Variants in RABGAP1L observed in about 807,000 individuals in gnomAD.
RABGAP1L encodes RAB GTPase activating protein 1 like, also known as rab GTPase-activating protein 1-like.
In RABGAP1L, 63 loss-of-function variants were observed where a neutral mutation model predicts 137.7. That is an observed-to-expected ratio of 0.46 (90% CI 0.37 to 0.56). The LOEUF (loss-of-function observed/expected upper bound fraction) is 0.56. Ranked by LOEUF, RABGAP1L falls within the 20% of genes least tolerant of loss-of-function variation. The pLI, the probability that RABGAP1L is intolerant of heterozygous loss-of-function variation, is 0.00. For missense variants in RABGAP1L, 1,095 were observed against 1,244.0 expected (o/e 0.88, Z 1.80); for synonymous variants, 431 against 433.7 (o/e 0.99, Z 0.08).
chr1:174,870,278 T>G (rs1347777740), intron 19 of RABGAP1L, among the ~76,000 whole-genome samples: 1 of 152,248 alleles, frequency 6.6e-6, no homozygotes, highest in Non-Finnish European at 1.5e-5. Context: ...TGTAAAAAAT[T>G]ATTTCACTTT....
chr1:174,523,565 G>A (rs1447674892), intron 13 of RABGAP1L, among the ~76,000 whole-genome samples: 1 of 152,162 alleles, frequency 6.6e-6, no homozygotes, highest in Non-Finnish European at 1.5e-5. Flanking sequence ...TGCATAAAAT[G>A]TGTAATGATC....
At chr1:174,530,811 A>ATACC (rs1664327349) in intron 13 of RABGAP1L, among the ~76,000 whole-genome samples, 1 of 132,296 alleles carries the variant, frequency 7.6e-6, no homozygotes. Context: ...ACATACATAC[A>ATACC]TACATACATA....
chr1:174,950,500 C>G (rs1486419566), intron 19 of RABGAP1L, among the ~76,000 whole-genome samples: 2 of 152,122 alleles, frequency 1.3e-5, no homozygotes, highest in Admixed American at 6.6e-5. Context: ...CTCCTGATTC[C>G]TTTTCATCTG....
chr1:174,603,406 G>A (rs995055335), intron 13 of RABGAP1L, among the ~76,000 whole-genome samples: 1 of 152,108 alleles, frequency 6.6e-6, no homozygotes, highest in Non-Finnish European at 1.5e-5. Flanking sequence ...AGTCAGACCC[G>A]AATCCAGCAC....
intron 1 of RABGAP1L, among the ~76,000 whole-genome samples, chr1:174,186,709 A>G (rs1474679703): frequency 2.6e-5 from 4 of 152,250 alleles, no homozygotes; most frequent in African/African-American, 4.8e-5. Context: ...GATCAGATCT[A>G]GTAAATGATG....
At chr1:174,489,572 T>G (rs200052476) in intron 13 of RABGAP1L, among the ~76,000 whole-genome samples, 1 of 127,546 alleles carries the variant, frequency 7.8e-6, no homozygotes, top group Non-Finnish European at 1.9e-5. Context: ...CACTTTTATA[T>G]GGTTGGTGGG....
At chr1:174,820,252 A>G (rs573744873) in intron 19 of RABGAP1L, among the ~76,000 whole-genome samples, 1 of 152,216 alleles carries the variant, frequency 6.6e-6, no homozygotes, top group African/African-American at 2.4e-5. Context: ...AAGGAAGGAC[A>G]TGGGGCCAGG....
At chr1:174,537,264 A>G (rs895851312) in intron 13 of RABGAP1L, among the ~76,000 whole-genome samples, 1 of 152,182 alleles carries the variant, frequency 6.6e-6, no homozygotes, top group South Asian at 2.1e-4. Flanking sequence ...GGTTGAACCA[A>G]ATGCAAAGTA....
At chr1:174,633,631 C>G (rs1572614182) in intron 13 of RABGAP1L, among the ~76,000 whole-genome samples, 1 of 116,138 alleles carries the variant, frequency 8.6e-6, no homozygotes, top group South Asian at 2.5e-4. Flanking sequence ...TGACTTCAAA[C>G]TATACTACAA....
intron 6 of RABGAP1L, among the ~76,000 whole-genome samples, chr1:174,251,219 T>C (rs1485624470): frequency 6.6e-6 from 1 of 152,196 alleles, no homozygotes; most frequent in Non-Finnish European, 1.5e-5. Context: ...ACATTTGGTC[T>C]CTTCCCTTTG....
At chr1:174,871,322 C>T (rs780023297) in intron 19 of RABGAP1L, among the ~76,000 whole-genome samples, 22 of 151,430 alleles carry the variant, frequency 1.5e-4, no homozygotes, top group Non-Finnish European at 2.7e-4. Flanking sequence ...TTAGTAGGGA[C>T]GGGGTTTCAC....
At chr1:174,275,748 T>C (rs1571879362) in intron 8 of RABGAP1L, 85 bp from the exon 9 acceptor site, 1 of 953,844 alleles carries the variant, frequency 1.0e-6, no homozygotes, top group East Asian at 2.6e-5. Context: ...ATTTTAATAA[T>C]TTGTATTGCT....
chr1:174,936,971 ATTTT>A (rs909397955), intron 19 of RABGAP1L, among the ~76,000 whole-genome samples: 4 of 101,522 alleles, frequency 3.9e-5, no homozygotes, highest in African/African-American at 1.3e-4. Flanking sequence ...TATAAGATTA[ATTTT>A]TTTTTTTTTT....
intron 3 of RABGAP1L, among the ~76,000 whole-genome samples, chr1:174,224,040 T>A (rs1331823301): frequency 6.6e-6 from 1 of 152,194 alleles, no homozygotes; most frequent in East Asian, 1.9e-4. Flanking sequence ...TAGTTGTACA[T>A]AAAAATTATT....
chr1:174,374,111 T>C (rs766044059), intron 12 of RABGAP1L, among the ~76,000 whole-genome samples: 11 of 152,184 alleles, frequency 7.2e-5, no homozygotes, highest in Non-Finnish European at 1.3e-4. Flanking sequence ...CATGTGGATG[T>C]GATTGATAGT....
intron 13 of RABGAP1L, among the ~76,000 whole-genome samples, chr1:174,550,842 A>G (rs371607448): frequency 3.9e-5 from 5 of 127,066 alleles, no homozygotes; most frequent in African/African-American, 1.5e-4. Context: ...ACACGGTGAA[A>G]CCCCGTCTCT....
chr1:174,974,279 C>T (rs771981641), intron 21 of RABGAP1L, among the ~76,000 whole-genome samples: 17 of 151,968 alleles, frequency 1.1e-4, no homozygotes, highest in South Asian at 4.1e-4. Flanking sequence ...TGTGAGCCAC[C>T]GCACCCGGCT....
At chr1:174,276,179 G>T (rs1051316054) in intron 9 of RABGAP1L, among the ~76,000 whole-genome samples, 44 of 152,094 alleles carry the variant, frequency 2.9e-4, no homozygotes, top group African/African-American at 1.1e-3. Flanking sequence ...GTCTCACTCT[G>T]TTGCCCAGGG....
intron 13 of RABGAP1L, among the ~76,000 whole-genome samples, chr1:174,496,721 A>G (rs1267950681): frequency 6.6e-6 from 1 of 152,136 alleles, no homozygotes; most frequent in Non-Finnish European, 1.5e-5. Flanking sequence ...CCATGAAACA[A>G]CTCAGCTTCC....
Sources: allele counts gnomAD v4.1 joint callset (sites outside exome capture counted in the v4.1 genomes callset), GRCh38; gene constraint gnomAD v4.1.1; transcripts MANE v1.5; gene names NCBI Gene and HGNC (gene_info 2026-07-23, HGNC 2026-07-21).